ARHGAP42: variants seen among roughly 807,000 people sequenced by gnomAD.
The protein encoded by ARHGAP42 is Rho GTPase activating protein 42.
In ARHGAP42, 63 loss-of-function variants were observed where a neutral mutation model predicts 125.0. The ratio of observed to expected loss-of-function variants is 0.50; its 90% CI spans 0.41 to 0.62. The LOEUF (loss-of-function observed/expected upper bound fraction) is 0.62. Ranked by LOEUF, ARHGAP42 falls within the 20% of genes least tolerant of loss-of-function variation. ARHGAP42 has a pLI of 0.00. For missense variants in ARHGAP42, 766 were observed against 1,024.2 expected (o/e 0.75, Z 3.44); for synonymous variants, 339 against 351.0 (o/e 0.97, Z 0.38).
At chr11:100,769,125 TAGA>T (rs1862909898) in intron 1 of ARHGAP42, among the ~76,000 whole-genome samples, 1 of 152,136 alleles carries the variant, frequency 6.6e-6, no homozygotes, top group South Asian at 2.1e-4. Flanking sequence ...TATACACACA[TAGA>T]AGAGGTACAG....
intron 17 of ARHGAP42, among the ~76,000 whole-genome samples, chr11:100,971,423 A>T (rs1332597281): frequency 1.3e-5 from 2 of 152,182 alleles, no homozygotes; most frequent in East Asian, 3.9e-4. Flanking sequence ...AGAAAGAGAG[A>T]TGTTCCAGGA....
chr11:100,977,056 C>G, intron 21 of ARHGAP42, 85 bp downstream of exon 21: 1 of 1,438,826 alleles, frequency 7.0e-7, no homozygotes, highest in Non-Finnish European at 9.4e-7. Context: ...GGGAATCCCA[C>G]AAGTTGAATA....
chr11:100,862,668 C>T (rs982921500), intron 4 of ARHGAP42, among the ~76,000 whole-genome samples: 2 of 152,084 alleles, frequency 1.3e-5, no homozygotes, highest in Non-Finnish European at 2.9e-5. Context: ...CTGTCTGATG[C>T]ATTTAGTACT....
intron 1 of ARHGAP42, among the ~76,000 whole-genome samples, chr11:100,702,040 T>A (rs1288568621): frequency 6.6e-6 from 1 of 152,104 alleles, no homozygotes; most frequent in East Asian, 1.9e-4. Context: ...ATCCCAGCAC[T>A]TTGGGAGGCC....
intron 4 of ARHGAP42, among the ~76,000 whole-genome samples, chr11:100,865,678 ATATTCATAC>A (rs1865552135): frequency 6.6e-6 from 1 of 152,204 alleles, no homozygotes; most frequent in East Asian, 1.9e-4. Flanking sequence ...TGTAAAAGTT[ATATTCATAC>A]TATACAGTAG....
At chr11:100,715,158 T>C (rs10895009) in intron 1 of ARHGAP42, among the ~76,000 whole-genome samples, 79,205 of 151,302 alleles carry the variant, frequency 0.52, 21,546 homozygotes, top group African/African-American at 0.69. Context: ...AGTTGGGGAA[T>C]AAGGGTAACT....
chr11:100,935,919 C>G (rs1031191189), intron 7 of ARHGAP42, among the ~76,000 whole-genome samples: 6 of 152,008 alleles, frequency 3.9e-5, no homozygotes, highest in Non-Finnish European at 7.4e-5. Flanking sequence ...ATTGCTTGAG[C>G]CCGGGAATTT....
chr11:100,927,425 A>G (rs1867458295), intron 6 of ARHGAP42, among the ~76,000 whole-genome samples: 1 of 152,196 alleles, frequency 6.6e-6, no homozygotes, highest in Admixed American at 6.5e-5. Context: ...CATTCTTTAA[A>G]AATTTAACAA....
At chr11:100,706,404 T>G (rs1349535150) in intron 1 of ARHGAP42, among the ~76,000 whole-genome samples, 3 of 152,156 alleles carry the variant, frequency 2.0e-5, no homozygotes, top group African/African-American at 7.2e-5. Context: ...AGTCTACAGG[T>G]GGTCATTAAC....
At chr11:100,967,903 T>C (rs1443236504) in intron 17 of ARHGAP42, among the ~76,000 whole-genome samples, 2 of 152,064 alleles carry the variant, frequency 1.3e-5, no homozygotes, top group Non-Finnish European at 2.9e-5. Context: ...TTTGCATTTT[T>C]AGTAGAGACG....
intron 3 of ARHGAP42, among the ~76,000 whole-genome samples, chr11:100,814,381 AAAG>A (rs1303639027): frequency 1.3e-5 from 2 of 151,952 alleles, no homozygotes; most frequent in African/African-American, 4.8e-5. Context: ...AAAAAAAAGA[AAAG>A]AAAAGAAAAT....
chr11:100,976,500 C>G (rs1179435577), intron 20 of ARHGAP42, 63 bp downstream of exon 20: 1 of 1,461,328 alleles, frequency 6.8e-7, no homozygotes, highest in Admixed American at 2.8e-5. Context: ...CTGGATTATT[C>G]AGCATGGTTA....
intron 1 of ARHGAP42, among the ~76,000 whole-genome samples, chr11:100,705,020 A>C (rs1412410194): frequency 9.5e-4 from 131 of 137,316 alleles, no homozygotes; most frequent in South Asian, 2.3e-3. Flanking sequence ...CAACAAAAAA[A>C]AAAAAAAAAA....
intron 2 of ARHGAP42, among the ~76,000 whole-genome samples, chr11:100,774,227 A>G (rs1863055063): frequency 6.6e-6 from 1 of 152,194 alleles, no homozygotes; most frequent in African/African-American, 2.4e-5. Context: ...ACAAAGGACA[A>G]TAAACTGGAA....
At chr11:100,956,853 A>G (rs1857818153) in intron 12 of ARHGAP42, among the ~76,000 whole-genome samples, 1 of 152,270 alleles carries the variant, frequency 6.6e-6, no homozygotes, top group South Asian at 2.1e-4. Context: ...TATTTTAAAA[A>G]TAAGTGACAA....
In ARHGAP42 at chr11:100,970,216, G is replaced by A. The variant is rs192386083; in HGVS notation, c.1551-2959G>A. Among the ~76,000 whole-genome samples, 494 of 152,224 alleles carry A rather than the reference G, an allele frequency of 3.2e-3. 3 individuals are homozygous for A. Among genetic ancestry groups the A allele is most frequent in the African/African-American group, 0.011 (460 of 41,534 alleles). Reference sequence around the variant, plus strand: ...TTGGTTGGGCTGGTCTTGAACTCCTGATCCTCAGGTGATCCACCCGCCTTG... The same window carrying A: ...TTGGTTGGGCTGGTCTTGAACTCCTAATCCTCAGGTGATCCACCCGCCTTG... On this transcript the variant is annotated intron_variant, in intron 17 of 23. Coordinates refer to ENST00000298815, the MANE Select transcript of ARHGAP42 (RefSeq NM_152432.4).
intron 1 of ARHGAP42, among the ~76,000 whole-genome samples, chr11:100,721,622 G>A (rs745499033): frequency 2.6e-5 from 4 of 151,784 alleles, no homozygotes; most frequent in Non-Finnish European, 2.9e-5. Flanking sequence ...ACAGGCACCC[G>A]CCGCCACGCC....
chr11:100,836,847 C>CT (rs979779820), intron 3 of ARHGAP42, among the ~76,000 whole-genome samples: 1 of 149,966 alleles, frequency 6.7e-6, no homozygotes, highest in Non-Finnish European at 1.5e-5. Flanking sequence ...TCAACCTGTC[C>CT]TTTTTTTACA....
intron 3 of ARHGAP42, among the ~76,000 whole-genome samples, chr11:100,857,052 A>G (rs996099582): frequency 6.6e-6 from 1 of 152,004 alleles, no homozygotes; most frequent in African/African-American, 2.4e-5. Context: ...TTTGATCTCT[A>G]TATTGTGAAG....
Sources: gnomAD v4.1 joint callset for allele counts (sites outside exome capture counted in the v4.1 genomes callset) on GRCh38, gnomAD v4.1.1 for gene constraint, MANE v1.5 for transcripts, NCBI Gene and HGNC (gene_info 2026-07-23, HGNC 2026-07-21) for gene names.